Variants in NFATC3 observed in about 807,000 individuals in gnomAD.
The protein encoded by NFATC3 is nuclear factor of activated T-cells, cytoplasmic 3.
A neutral mutation model predicts 98.6 loss-of-function variants in NFATC3; 46 were observed. That is an observed-to-expected ratio of 0.47 (90% confidence interval 0.37 to 0.60). The LOEUF is 0.60. Ranked by LOEUF, NFATC3 falls within the 20% of genes least tolerant of loss-of-function variation. The pLI is 0.00. For missense variants in NFATC3, 1,256 were observed against 1,295.5 expected, an observed-to-expected ratio of 0.97 and a Z score of 0.47; for synonymous variants, 512 against 472.2, an observed-to-expected ratio of 1.08 and a Z score of -1.09.
At chr16:68,100,974 C>A (rs2035318888) in intron 1 of NFATC3, among the ~76,000 whole-genome samples, 1 of 151,626 alleles carries the variant, frequency 6.6e-6, no homozygotes, top group African/African-American at 2.4e-5. Flanking sequence ...GAGTTTCTCT[C>A]AATCTGTGAT....
At chr16:68,205,176 T>A (rs2041092983) in intron 9 of NFATC3, among the ~76,000 whole-genome samples, 2 of 152,142 alleles carry the variant, frequency 1.3e-5, no homozygotes, top group Admixed American at 6.5e-5. Context: ...TTGATAATCA[T>A]GTTGTATATT....
rs189073032 is a variant in NFATC3 at position 68,132,510 on chromosome 16, A to G, written c.1401+5900A>G. Among the ~76,000 whole-genome samples the G allele has an allele frequency of 5.6e-3, 854 of 152,352 alleles. 25 individuals are homozygous for G. The highest frequency in any genetic ancestry group is 0.046 in the Admixed American group (706 of 15,304). On this transcript the variant is annotated intron_variant, in intron 3 of 9. Coordinates refer to ENST00000346183, the MANE Select transcript of NFATC3 (RefSeq NM_173165.3). Reference sequence around the variant, plus strand: ...TAAAGGTTGCTCAAAAAATTTAAAAATAGAACTACCATGTGATCCAGCAGT... The same window carrying G: ...TAAAGGTTGCTCAAAAAATTTAAAAGTAGAACTACCATGTGATCCAGCAGT...
intron 4 of NFATC3, 148 bp from the exon 5 acceptor site, chr16:68,166,695 A>T: frequency 1.6e-6 from 1 of 612,686 alleles, no homozygotes; most frequent in Non-Finnish European, 2.7e-6. Context: ...ACTTCAGTTT[A>T]GCAGTGAATA....
intron 1 of NFATC3, among the ~76,000 whole-genome samples, chr16:68,118,971 C>T (rs966059191): frequency 1.3e-5 from 2 of 152,104 alleles, no homozygotes; most frequent in Non-Finnish European, 2.9e-5. Flanking sequence ...GGGTTCACGC[C>T]ATTCTCCCAC....
intron 9 of NFATC3, among the ~76,000 whole-genome samples, chr16:68,196,471 G>C (rs2040675655): frequency 6.6e-6 from 1 of 152,204 alleles, no homozygotes; most frequent in South Asian, 2.1e-4. Flanking sequence ...ATGATATTTG[G>C]ATTTGCCTTT....
At chr16:68,210,939 G>A (rs1331169170) in intron 9 of NFATC3, among the ~76,000 whole-genome samples, 2 of 151,842 alleles carry the variant, frequency 1.3e-5, no homozygotes, top group Non-Finnish European at 2.9e-5. Context: ...GCACCACCAT[G>A]CCCGGCTAAT....
At chr16:68,209,835 C>A (rs1231991010) in intron 9 of NFATC3, 2 of 365,052 alleles carry the variant, frequency 5.5e-6, no homozygotes, top group Non-Finnish European at 1.1e-5. Flanking sequence ...CCCCCTGCCC[C>A]CCAACACACA....
intron 9 of NFATC3, among the ~76,000 whole-genome samples, chr16:68,195,467 C>T (rs1053897343): frequency 2.0e-5 from 3 of 151,690 alleles, no homozygotes; most frequent in African/African-American, 4.8e-5. Context: ...CTCAGGAGTT[C>T]GAGTCCAGTC....
chr16:68,151,401 A>G (rs2038311249), intron 3 of NFATC3, among the ~76,000 whole-genome samples: 1 of 152,172 alleles, frequency 6.6e-6, no homozygotes, highest in South Asian at 2.1e-4. Context: ...ATTACTGACA[A>G]TGACATGATT....
chr16:68,158,870 A>G (rs1048354618), intron 4 of NFATC3, among the ~76,000 whole-genome samples: 1 of 152,170 alleles, frequency 6.6e-6, no homozygotes, highest in African/African-American at 2.4e-5. Context: ...ACAACTCTAC[A>G]TCTCATTGAT....
chr16:68,171,632 C>T (rs982181375), intron 5 of NFATC3, among the ~76,000 whole-genome samples: 1 of 151,912 alleles, frequency 6.6e-6, no homozygotes, highest in African/African-American at 2.4e-5. Flanking sequence ...CACCACTGTG[C>T]CCGACTAATT....
At chr16:68,132,324 A>G (rs778652034) in intron 3 of NFATC3, among the ~76,000 whole-genome samples, 4 of 152,178 alleles carry the variant, frequency 2.6e-5, no homozygotes, top group Non-Finnish European at 5.9e-5. Context: ...GTAATAGAAG[A>G]GATTCTGGTA....
intron 6 of NFATC3, among the ~76,000 whole-genome samples, chr16:68,178,671 G>C (rs2039823617): frequency 6.6e-6 from 1 of 152,180 alleles, no homozygotes; most frequent in African/African-American, 2.4e-5. Context: ...TCTTTCTGTA[G>C]GTGTCACATT....
chr16:68,218,147 G>A, intron 9 of NFATC3: 5 of 557,600 alleles, frequency 9.0e-6, no homozygotes, highest in Non-Finnish European at 1.1e-5. Flanking sequence ...CTGCATCCTG[G>A]AACTCCCTGG....
intron 4 of NFATC3, among the ~76,000 whole-genome samples, chr16:68,165,665 G>C (rs764815003): frequency 3.9e-5 from 6 of 152,004 alleles, no homozygotes; most frequent in Non-Finnish European, 7.4e-5. Flanking sequence ...CAAAGTGCTG[G>C]GATTACAGGC....
At chr16:68,131,698 G>A (rs1036206297) in intron 3 of NFATC3, among the ~76,000 whole-genome samples, 3 of 150,118 alleles carry the variant, frequency 2.0e-5, no homozygotes, top group African/African-American at 7.4e-5. Flanking sequence ...ATATTGCCCA[G>A]TTTGGTCTTG....
At chr16:68,096,303 G>A (rs1005363327) in intron 1 of NFATC3, among the ~76,000 whole-genome samples, 10 of 152,168 alleles carry the variant, frequency 6.6e-5, no homozygotes, top group Admixed American at 6.5e-4. Context: ...TCATTCTTTC[G>A]AAGGCTCATC....
At chr16:68,118,725 A>G (rs965195575) in intron 1 of NFATC3, among the ~76,000 whole-genome samples, 2 of 152,206 alleles carry the variant, frequency 1.3e-5, no homozygotes, top group Admixed American at 1.3e-4. Flanking sequence ...TCTATTTGAC[A>G]TTTCCACTTG....
At chr16:68,202,842 T>A (rs879477047) in intron 9 of NFATC3, among the ~76,000 whole-genome samples, 51 of 151,198 alleles carry the variant, frequency 3.4e-4, no homozygotes, top group Non-Finnish European at 6.1e-4. Context: ...TAAAAAAAAA[T>A]AAATAAATAA....
Sources: allele counts gnomAD v4.1 joint callset (sites outside exome capture counted in the v4.1 genomes callset), GRCh38; gene constraint gnomAD v4.1.1; transcripts MANE v1.5; gene names NCBI Gene and HGNC (gene_info 2026-07-23, HGNC 2026-07-21).